The following NEDD4L variants were observed in gnomAD, a reference collection of about 807,000 sequenced individuals.
NEDD4L encodes E3 ubiquitin-protein ligase NEDD4-like.
Under a neutral mutation model 148.9 loss-of-function variants are expected in NEDD4L, and 54 were observed. The observed-to-expected ratio is 0.36, with a 90% CI of 0.29 to 0.45. NEDD4L has a LOEUF of 0.45. Ranked by LOEUF, NEDD4L falls within the 20% of genes least tolerant of loss-of-function variation. The pLI is 1.00. For missense variants in NEDD4L, 856 were observed against 1,233.8 expected (o/e 0.69, Z 4.59); for synonymous variants, 433 against 440.7 (o/e 0.98, Z 0.22).
At chr18:58,356,289 T>C (rs1284565646) in intron 18 of NEDD4L, among the ~76,000 whole-genome samples, 1 of 56,120 alleles carries the variant, frequency 1.8e-5, no homozygotes, top group Non-Finnish European at 3.1e-5. Context: ...TTTCTTCTTC[T>C]TTTTTTTTTT....
At chr18:58,346,569 T>G (rs1402759034) in intron 16 of NEDD4L, among the ~76,000 whole-genome samples, 1 of 152,214 alleles carries the variant, frequency 6.6e-6, no homozygotes, top group Non-Finnish European at 1.5e-5. Flanking sequence ...TGGTTGCTGG[T>G]CTCTTCCAGG....
chr18:58,349,419 G>A lies in NEDD4L; in HGVS notation c.1576-118G>A, dbSNP rs373250133. 2.6e-4 allele frequency: 188 copies of A among 734,350 alleles called. No homozygotes were observed. The African/African-American group carries it at 2.7e-3, about 11-fold the overall frequency. 45.5% of individuals were successfully genotyped at this position (734,350 alleles called of 1,614,324 possible). ...AAAACAGAGATGGGACCCATCTCAC[G>A]CTCCAGGCATGGACAGCCTGGTTGC... On this transcript the variant is annotated intron_variant, in intron 16 of 30. Transcript: ENST00000400345.
At chr18:58,164,572 G>A (rs555020987) in intron 1 of NEDD4L, among the ~76,000 whole-genome samples, 2 of 152,296 alleles carry the variant, frequency 1.3e-5, no homozygotes, top group South Asian at 4.1e-4. Context: ...CCCAGGTTCA[G>A]CAATTCTCCT....
At chr18:58,075,225 T>C (rs1031690528) in intron 1 of NEDD4L, among the ~76,000 whole-genome samples, 1 of 152,204 alleles carries the variant, frequency 6.6e-6, no homozygotes, top group Non-Finnish European at 1.5e-5. Context: ...AGTCTTGCTC[T>C]GTCGCCTTCG....
chr18:58,320,945 G>A (rs1601195999), intron 6 of NEDD4L, among the ~76,000 whole-genome samples: 1 of 152,132 alleles, frequency 6.6e-6, no homozygotes, highest in Admixed American at 6.5e-5. Flanking sequence ...TTTTCAAAAT[G>A]TATGTTTATT....
At chr18:58,365,295 G>C (rs143986453) in intron 20 of NEDD4L, among the ~76,000 whole-genome samples, 13 of 152,270 alleles carry the variant, frequency 8.5e-5, no homozygotes, top group Non-Finnish European at 1.9e-4. Context: ...TGGTAATGAT[G>C]ATGACTGTGG....
At chr18:58,156,123 T>C (rs1242818583) in intron 1 of NEDD4L, among the ~76,000 whole-genome samples, 2 of 152,188 alleles carry the variant, frequency 1.3e-5, no homozygotes, top group Non-Finnish European at 2.9e-5. Context: ...CTCTTTTACT[T>C]TCTTATGTAG....
chr18:58,237,704 G>A (rs77357131), intron 2 of NEDD4L, among the ~76,000 whole-genome samples: 2,460 of 152,268 alleles, frequency 0.016, 73 homozygotes, highest in African/African-American at 0.056. Context: ...CAACACATGT[G>A]TACACAGCTC....
At chr18:58,299,587 T>C (rs902050445) in intron 5 of NEDD4L, among the ~76,000 whole-genome samples, 1 of 152,238 alleles carries the variant, frequency 6.6e-6, no homozygotes, top group Non-Finnish European at 1.5e-5. Context: ...TAAGTTATCT[T>C]CTATGGATGG....
intron 19 of NEDD4L, among the ~76,000 whole-genome samples, chr18:58,361,942 G>T (rs1202697864): frequency 6.6e-6 from 1 of 152,048 alleles, no homozygotes; most frequent in Non-Finnish European, 1.5e-5. Context: ...AAGGATGTTT[G>T]TCCTGGTACG....
chr18:58,255,348 C>T (rs1204521373), intron 5 of NEDD4L: 1 of 310,410 alleles, frequency 3.2e-6, no homozygotes, highest in Middle Eastern at 9.7e-4. Context: ...TAGGGGAAAA[C>T]TCCTCTAAGT....
intron 1 of NEDD4L, among the ~76,000 whole-genome samples, chr18:58,161,981 G>A (rs1005897962): frequency 6.6e-6 from 1 of 152,148 alleles, no homozygotes; most frequent in African/African-American, 2.4e-5. Flanking sequence ...ACACTTTTCT[G>A]TGGAATAGCT....
chr18:58,327,757 C>A (rs12150702), intron 9 of NEDD4L, among the ~76,000 whole-genome samples: 9,329 of 152,064 alleles, frequency 0.061, 916 homozygotes, highest in African/African-American at 0.21. Context: ...TCTGAAATGA[C>A]GATTTCAACT....
chr18:58,369,768 G>A (rs2046597955), intron 22 of NEDD4L, among the ~76,000 whole-genome samples: 1 of 152,194 alleles, frequency 6.6e-6, no homozygotes, highest in Non-Finnish European at 1.5e-5. Context: ...CCTGAATGGT[G>A]GGAGGCCGAC....
rs182470816 is a variant in NEDD4L, at chr18:58,051,247, G to T, written c.48+6539G>T. Among the ~76,000 whole-genome samples the T allele has an allele frequency of 4.8e-3, 728 of 152,272 alleles. 2 individuals carry two copies. The highest frequency in any genetic ancestry group is 7.6e-3 in the Non-Finnish European group (518 of 68,026). ...CACTCCAGCCTGGGTGACAGAGCAA[G>T]ACACTGTCTCAGAAAACAAAGGCAA... On this transcript the variant is annotated intron_variant, in intron 1 of 30. Coordinates refer to ENST00000400345, the MANE Select transcript of NEDD4L (RefSeq NM_001144967.3).
chr18:58,045,442 T>G, intron 1 of NEDD4L: 1 of 281,350 alleles, frequency 3.6e-6, no homozygotes, highest in Non-Finnish European at 6.5e-6. Flanking sequence ...AATTGATCTC[T>G]TTTATTAATA....
In NEDD4L at chr18:58,401,496, G is replaced by A. The variant is rs2050841477; in HGVS notation, c.*5227G>A. 1 of 152,192 alleles carries A rather than the reference G, an allele frequency of 6.6e-6. No homozygotes were observed. The highest frequency in any genetic ancestry group is 1.5e-5 in the Non-Finnish European group (1 of 68,038). 9.4% of individuals were successfully genotyped at this position (152,192 alleles called of 1,614,324 possible). A position where few individuals can be genotyped will look rare whatever the true frequency, so the allele number is the denominator to read the frequency against. On this transcript the variant is annotated 3_prime_UTR_variant, in exon 31 of 31. Coordinates refer to ENST00000400345, the MANE Select transcript of NEDD4L (RefSeq NM_001144967.3). ...TCATTGTAAAGAAGCGATGCAACTTGTCAAATATTTAATAAAGAATTATGG... is the reference window on the plus strand; with the variant it reads ...TCATTGTAAAGAAGCGATGCAACTTATCAAATATTTAATAAAGAATTATGG...
At chr18:58,058,362 T>A (rs1243573416) in intron 1 of NEDD4L, among the ~76,000 whole-genome samples, 1 of 152,148 alleles carries the variant, frequency 6.6e-6, no homozygotes, top group African/African-American at 2.4e-5. Context: ...TTAAAGTGTA[T>A]GGTTTGGTGG....
In NEDD4L at chr18:58,341,166, G is replaced by A. The variant is rs780996467; in HGVS notation, c.1254G>A (p.Met418Ile). The A allele has an allele frequency of 3.1e-6, 5 of 1,612,320 alleles. No individual in the cohort carries two copies. The African/African-American group carries it at 5.3e-5, about 17-fold the overall frequency. The change falls in exon 14 of 31, where the codon ATG becomes ATA. Residue 418 changes from methionine to isoleucine, a missense_variant. Coordinates refer to ENST00000400345, the MANE Select transcript of NEDD4L (RefSeq NM_001144967.3). The stretch of plus-strand genomic sequence containing the variant: ...CCACAACTTGGACTCGACCTATCAT[G>A]CAGGTACGAAGATTGCCATCCAACT... ...NRTTTWTRPI[M>I]QLAEDGASGS...
Sources: gnomAD v4.1 joint callset for allele counts (sites outside exome capture counted in the v4.1 genomes callset) on GRCh38, gnomAD v4.1.1 for gene constraint, MANE v1.5 for transcripts, NCBI Gene and HGNC (gene_info 2026-07-23, HGNC 2026-07-21) for gene names.